ZMIZ1: variants seen among roughly 807,000 people sequenced by gnomAD.
ZMIZ1 encodes the protein zinc finger MIZ domain-containing protein 1.
ZMIZ1 carries 17 observed loss-of-function variants against 113.9 expected under a neutral mutation model. The observed-to-expected ratio is 0.15, with a 90% CI of 0.10 to 0.22. ZMIZ1 has a LOEUF of 0.22. ZMIZ1 is among the 10% of genes least tolerant of loss of function. ZMIZ1 has a pLI of 1.00. For missense variants in ZMIZ1, 1,059 were observed against 1,477.8 expected (o/e 0.72, Z 4.65); for synonymous variants, 607 against 603.1 (o/e 1.01, Z -0.09).
At chr10:79,310,126 G>T (rs944964845) in intron 23 of ZMIZ1, among the ~76,000 whole-genome samples, 1 of 152,150 alleles carries the variant, frequency 6.6e-6, no homozygotes, top group Non-Finnish European at 1.5e-5. Flanking sequence ...CCCTCAGCAA[G>T]ACACCCACCA....
In ZMIZ1 at chr10:79,198,115, C is replaced by T. The variant is rs560975410; in HGVS notation, c.-49-3469C>T. Among the ~76,000 whole-genome samples, 166 of 152,116 alleles carry T rather than the reference C, an allele frequency of 1.1e-3. 1 individual carries two copies. Among genetic ancestry groups the T allele is most frequent in the African/African-American group, 3.4e-3 (142 of 41,494 alleles). On this transcript the variant is annotated intron_variant, in intron 4 of 24. Transcript: ENST00000334512. ...TCTACTAAAAATACAAAAAACTAGC[C>T]GGACGTGGTGGTGGGCGCCTGTAGT...
At chr10:79,291,277 C>A in intron 10 of ZMIZ1, 101 bp downstream of exon 10, 1 of 1,350,332 alleles carries the variant, frequency 7.4e-7, no homozygotes, top group Non-Finnish European at 9.8e-7. Flanking sequence ...GCTTTCTGCC[C>A]TGAGAAGTTA....
intron 24 of ZMIZ1, 110 bp downstream of exon 24, chr10:79,311,294 T>TGGGG: frequency 4.0e-5 from 4 of 99,144 alleles, no homozygotes; most frequent in Non-Finnish European, 3.8e-5. Context: ...AGGAGGTGGG[T>TGGGG]GGGCGGTGGG....
rs776788950 is a variant in ZMIZ1, at chr10:79,304,042, C to T, written c.2153C>T (p.Ala718Val). 1.7e-5 allele frequency: 28 copies of T among 1,614,156 alleles called. No homozygotes were observed. Among genetic ancestry groups the T allele is most frequent in the Non-Finnish European group, 2.4e-5 (28 of 1,180,046 alleles). The change falls in exon 19 of 25, where the codon GCC (alanine) becomes GTC (valine). Residue 718 changes from alanine to valine, a missense_variant. By Grantham distance (64) the Ala-to-Val change is moderately conservative. Around this residue, in one of 6 missense-constraint regions of ZMIZ1, gnomAD observed 217 missense variants for 426.9 expected, o/e 0.51. Transcript: ENST00000334512. ...AAGCGGAATTTCAGCAGCGTGGCTGCCTCCTCGGGCAACACGACCCTCAAC... is the reference window on the plus strand; with the variant it reads ...AAGCGGAATTTCAGCAGCGTGGCTGTCTCCTCGGGCAACACGACCCTCAAC... The part of the protein sequence containing the change: ...KIKRNFSSVA[A>V]SSGNTTLNGE...
chr10:79,199,520 C>G (rs550313839), intron 4 of ZMIZ1, among the ~76,000 whole-genome samples: 1 of 151,870 alleles, frequency 6.6e-6, no homozygotes, highest in Non-Finnish European at 1.5e-5. Flanking sequence ...AAAAAAAGTT[C>G]TTTGTGTCTT....
At chr10:79,270,121 G>T (rs530126128) in intron 7 of ZMIZ1, among the ~76,000 whole-genome samples, 1 of 152,208 alleles carries the variant, frequency 6.6e-6, no homozygotes, top group Non-Finnish European at 1.5e-5. Flanking sequence ...GGGAGGGCAC[G>T]CCTGAGCAAG....
intron 2 of ZMIZ1, among the ~76,000 whole-genome samples, chr10:79,124,798 G>A (rs1589301297): frequency 6.6e-6 from 1 of 152,338 alleles, no homozygotes; most frequent in East Asian, 1.9e-4. Context: ...CATGGGTCAG[G>A]GCAGTCCGGC....
chr10:79,201,302 C>A (rs574209466), intron 4 of ZMIZ1, among the ~76,000 whole-genome samples: 1 of 152,280 alleles, frequency 6.6e-6, no homozygotes, highest in East Asian at 1.9e-4. Context: ...GAGCAAAACT[C>A]CATCTCAAAA....
intron 8 of ZMIZ1, among the ~76,000 whole-genome samples, chr10:79,278,893 C>T (rs1272233302): frequency 1.3e-5 from 2 of 152,368 alleles, no homozygotes; most frequent in South Asian, 4.1e-4. Context: ...ACATTTCCCC[C>T]TTTTCTATTC....
rs1848223309 is a variant in ZMIZ1 at position 79,204,342 on chromosome 10, T to C, written c.60+2650T>C. Among the ~76,000 whole-genome samples the C allele has an allele frequency of 3.3e-5, 5 of 152,334 alleles. No homozygotes were observed. In the South Asian group the frequency reaches 8.3e-4, roughly 25 times the overall value. On this transcript the variant is annotated intron_variant, in intron 5 of 24. Transcript: ENST00000334512. ...CCTTTGCCCCTTCTCAGCCTCTTGG[T>C]ACTGGGAGAACCAGTGCTCCCTCTC...
At chr10:79,299,534 CAT>C (rs1231097360) in intron 16 of ZMIZ1, among the ~76,000 whole-genome samples, 7 of 152,214 alleles carry the variant, frequency 4.6e-5, no homozygotes, top group African/African-American at 1.4e-4. Flanking sequence ...GAGTGTGACT[CAT>C]GTGGCCAGAG....
At chr10:79,138,318 A>G (rs16936901) in intron 2 of ZMIZ1, among the ~76,000 whole-genome samples, 32,757 of 152,176 alleles carry the variant, frequency 0.22, 8,136 homozygotes, top group African/African-American at 0.61. Context: ...TCTACCTAGA[A>G]AGGGGATTCG....
At chr10:79,190,386 A>G (rs1444065640) in intron 4 of ZMIZ1, among the ~76,000 whole-genome samples, 1 of 152,128 alleles carries the variant, frequency 6.6e-6, no homozygotes, top group African/African-American at 2.4e-5. Flanking sequence ...GCTCTGCTCT[A>G]CGCTCCCTGC....
Position 79,292,254 on chromosome 10 carries a change from A to G in ZMIZ1, c.855A>G (p.Ala285=). ...DFTQPAAAAA[A]AAVAAAAATA... is the part of the protein sequence containing the mutation. ...CTCAGCCCGCGGCAGCCGCTGCAGC[A>G]GCGGCAGTGGCAGCAGCAGCAGCCA... Residue 285 remains alanine (A), a synonymous_variant, in exon 11 of 25, where the codon GCA becomes GCG. Transcript: ENST00000334512. 6.2e-7 allele frequency: 1 copy of G among 1,612,384 alleles called. No homozygotes were observed. Among genetic ancestry groups the G allele is most frequent in the Non-Finnish European group, 8.5e-7 (1 of 1,179,650 alleles).
Position 79,299,180 on chromosome 10 carries a change from G to T in ZMIZ1, c.1797G>T (p.Thr599=), listed in dbSNP as rs761406092. 6.2e-7 allele frequency: 1 copy of T among 1,605,748 alleles called. No individual in the cohort carries two copies. The highest frequency in any genetic ancestry group is 1.1e-5 in the South Asian group (1 of 90,966). ...ACCTGCGGCCCACGGTCCACCAGAC[G>T]CTGATGTGGAGGTGCGTGTCAGGGC... The part of the protein sequence containing the change: ...VFHLRPTVHQ[T]LMWRSDLELQ... Residue 599 remains threonine (T), a synonymous_variant, in exon 16 of 25, where the codon ACG becomes ACT. Transcript: ENST00000334512.
At chr10:79,139,268 G>A (rs1335432542) in intron 2 of ZMIZ1, among the ~76,000 whole-genome samples, 9 of 152,102 alleles carry the variant, frequency 5.9e-5, no homozygotes, top group Admixed American at 6.5e-5. Flanking sequence ...ATAATTCCCC[G>A]AAGCCAGGCA....
intron 11 of ZMIZ1, 91 bp from the exon 12 acceptor site, chr10:79,293,290 C>G: frequency 7.4e-5 from 97 of 1,303,718 alleles, no homozygotes; most frequent in Middle Eastern, 2.0e-4. Flanking sequence ...TCCTCCACCT[C>G]CCCAACCCTT....
chr10:79,097,543 G>A (rs1843213186), intron 1 of ZMIZ1, among the ~76,000 whole-genome samples: 1 of 152,184 alleles, frequency 6.6e-6, no homozygotes, highest in South Asian at 2.1e-4. Context: ...ACGAACTCGA[G>A]ATAATAATAA....
At chr10:79,284,969 T>C (rs1433355240) in intron 8 of ZMIZ1, among the ~76,000 whole-genome samples, 1 of 152,222 alleles carries the variant, frequency 6.6e-6, no homozygotes. Context: ...ACATTTCCCC[T>C]GTCCCTTCGT....
Sources: gnomAD v4.1 joint callset for allele counts (sites outside exome capture counted in the v4.1 genomes callset) on GRCh38, gnomAD v4.1.1 for gene constraint, gnomAD v4.1.1 regional missense constraint, MANE v1.5 for transcripts, NCBI Gene and HGNC (gene_info 2026-07-23, HGNC 2026-07-21) for gene names.